Variants in TNS3 observed in about 807,000 individuals in gnomAD.
TNS3 encodes the protein tensin 3, also known as tensin-3.
Under a neutral mutation model 140.9 loss-of-function variants are expected in TNS3, and 45 were observed. The ratio of observed to expected loss-of-function variants is 0.32; its 90% CI spans 0.25 to 0.41. TNS3 has a LOEUF of 0.41. Ranked by LOEUF, TNS3 falls within the 10% of genes least tolerant of loss-of-function variation. The probability of loss-of-function intolerance (pLI) is 1.00; values close to 1 mark genes in which losing one functional copy is unlikely to be tolerated. For missense variants in TNS3, 1,716 were observed against 1,906.7 expected, an observed-to-expected ratio of 0.90 and a Z score of 1.86; for synonymous variants, 815 against 788.4, an observed-to-expected ratio of 1.03 and a Z score of -0.56.
At chr7:47,316,430 CA>C (rs1787414174) in intron 20 of TNS3, among the ~76,000 whole-genome samples, 1 of 152,042 alleles carries the variant, frequency 6.6e-6, no homozygotes, top group Non-Finnish European at 1.5e-5. Context: ...CAATTGGGAT[CA>C]GATTAGATGA....
chr7:47,454,774 G>A (rs1796177388), intron 4 of TNS3, among the ~76,000 whole-genome samples: 1 of 152,182 alleles, frequency 6.6e-6, no homozygotes, highest in South Asian at 2.1e-4. Flanking sequence ...GGCAGAGCCA[G>A]GCAGGGGGCT....
chr7:47,402,488 C>T (rs1584576075), intron 13 of TNS3, among the ~76,000 whole-genome samples: 1 of 152,370 alleles, frequency 6.6e-6, no homozygotes, highest in East Asian at 1.9e-4. Flanking sequence ...CCGAGACTGA[C>T]TTCTCAGCAA....
intron 16 of TNS3, among the ~76,000 whole-genome samples, chr7:47,391,745 T>C (rs1245306419): frequency 1.3e-5 from 2 of 152,114 alleles, no homozygotes; most frequent in East Asian, 3.9e-4. Context: ...CCTTAGACCA[T>C]CACAGCAAGT....
At position 47,278,160 on chromosome 7, in the gene TNS3, A is replaced by C; in HGVS notation, c.4254T>G (p.Phe1418Leu). 1 of 1,614,192 alleles carries C rather than the reference A, an allele frequency of 6.2e-7. No individual in the cohort carries two copies. Among genetic ancestry groups the C allele is most frequent in the Non-Finnish European group, 8.5e-7 (1 of 1,180,038 alleles). ...CAGGCTGCTCAGGGTCATGCTCTGC[A>C]AACAGGTGGCACACATTATCCGTGG... ...GSATDNVCHLFAEHDPEQPAS... is the reference protein window; with the variant it reads ...GSATDNVCHLLAEHDPEQPAS... Residue 1418 changes from phenylalanine to leucine, a missense_variant, in exon 31 of 31, where the codon TTT becomes TTG. By Grantham distance (22) the Phe-to-Leu change is conservative (BLOSUM62 0). Coordinates refer to ENST00000311160, the MANE Select transcript of TNS3 (RefSeq NM_022748.12).
intron 20 of TNS3, among the ~76,000 whole-genome samples, chr7:47,340,279 C>T (rs915011025): frequency 3.3e-5 from 5 of 150,852 alleles, no homozygotes; most frequent in East Asian, 3.9e-4. Context: ...CGCACTGCCA[C>T]GCCCAACTAA....
intron 3 of TNS3, among the ~76,000 whole-genome samples, chr7:47,484,637 T>G (rs900805712): frequency 6.6e-6 from 1 of 152,196 alleles, no homozygotes; most frequent in African/African-American, 2.4e-5. Context: ...AGAAGCACAG[T>G]GCTTCCGTGC....
intron 1 of TNS3, among the ~76,000 whole-genome samples, chr7:47,568,976 C>T (rs939155329): frequency 6.6e-6 from 1 of 152,266 alleles, no homozygotes; most frequent in African/African-American, 2.4e-5. Context: ...GCGTGGCTGC[C>T]ATCACCACAC....
At chr7:47,536,034 A>C (rs1457946754) in intron 1 of TNS3, among the ~76,000 whole-genome samples, 2 of 152,346 alleles carry the variant, frequency 1.3e-5, no homozygotes, top group East Asian at 3.9e-4. Flanking sequence ...CTCTGATGTT[A>C]AACAGCCAGG....
intron 2 of TNS3, among the ~76,000 whole-genome samples, chr7:47,524,177 C>G (rs1799093527): frequency 6.6e-6 from 1 of 152,204 alleles, no homozygotes; most frequent in Non-Finnish European, 1.5e-5. Flanking sequence ...AGGCGGTGGT[C>G]CCGTCCTGCC....
intron 17 of TNS3, among the ~76,000 whole-genome samples, chr7:47,348,229 G>T (rs1789462217): frequency 6.6e-6 from 1 of 152,260 alleles, no homozygotes; most frequent in Non-Finnish European, 1.5e-5. Context: ...GCAGGCGATA[G>T]CCCTGGGTGT....
At chr7:47,460,756 A>T (rs1796458685) in intron 4 of TNS3, among the ~76,000 whole-genome samples, 1 of 152,238 alleles carries the variant, frequency 6.6e-6, no homozygotes, top group South Asian at 2.1e-4. Flanking sequence ...CAATCCAGTA[A>T]GTCAAGCTGG....
intron 2 of TNS3, among the ~76,000 whole-genome samples, chr7:47,521,669 G>T (rs1201876203): frequency 1.3e-5 from 2 of 152,076 alleles, no homozygotes; most frequent in Non-Finnish European, 2.9e-5. Context: ...GAAACCTAAA[G>T]GATGAGGGTC....
At position 47,506,933 on chromosome 7, in the gene TNS3, A is replaced by T; in HGVS notation, c.-141T>A. ...TTGGCTTCACATTTCTTGTGGCAGG[A>T]ATACTTGCAGGCTGGGAAAAAAAAA... On this transcript the variant is annotated 5_prime_UTR_variant, in exon 3 of 31. Coordinates refer to ENST00000311160, the MANE Select transcript of TNS3 (RefSeq NM_022748.12). 1 of 1,288,936 alleles carries T rather than the reference A, an allele frequency of 7.8e-7. No homozygotes were observed. The highest frequency in any genetic ancestry group is 1.0e-6 in the Non-Finnish European group (1 of 988,574). 79.8% of individuals were successfully genotyped at this position (1,288,936 alleles called of 1,614,324 possible). A position where few individuals can be genotyped will look rare whatever the true frequency, so the allele number is the denominator to read the frequency against.
At chr7:47,350,503 G>T (rs1789603509) in intron 17 of TNS3, among the ~76,000 whole-genome samples, 1 of 152,192 alleles carries the variant, frequency 6.6e-6, no homozygotes, top group African/African-American at 2.4e-5. Flanking sequence ...TCCCATCTGA[G>T]AGTCCTTGGC....
At chr7:47,433,716 C>A (rs761693839) in intron 8 of TNS3, among the ~76,000 whole-genome samples, 5 of 152,154 alleles carry the variant, frequency 3.3e-5, no homozygotes, top group African/African-American at 9.7e-5. Flanking sequence ...CTGCTGGGCC[C>A]AGGCTCACAG....
intron 1 of TNS3, chr7:47,539,040 G>A (rs753543281): frequency 1.5e-5 from 7 of 456,552 alleles, no homozygotes; most frequent in East Asian, 7.0e-5. Flanking sequence ...GGGCAAACAC[G>A]CCCAGAGGTC....
intron 4 of TNS3, among the ~76,000 whole-genome samples, chr7:47,478,602 G>A (rs1486560063): frequency 1.3e-5 from 2 of 151,676 alleles, no homozygotes; most frequent in African/African-American, 4.8e-5. Context: ...ATTCACATGT[G>A]TAACATTTAT....
intron 16 of TNS3, among the ~76,000 whole-genome samples, chr7:47,390,417 A>G (rs867966809): frequency 6.6e-6 from 1 of 152,302 alleles, no homozygotes; most frequent in African/African-American, 2.4e-5. Context: ...GGAGCTCGGA[A>G]CAGTACTCTG....
At chr7:47,404,501 G>C (rs999419200) in intron 13 of TNS3, among the ~76,000 whole-genome samples, 1 of 152,160 alleles carries the variant, frequency 6.6e-6, no homozygotes, top group Admixed American at 6.5e-5. Flanking sequence ...ATCTCAATGG[G>C]AAGGCCTGTA....
Sources: allele counts gnomAD v4.1 joint callset (sites outside exome capture counted in the v4.1 genomes callset), GRCh38; gene constraint gnomAD v4.1.1; transcripts MANE v1.5; gene names NCBI Gene and HGNC (gene_info 2026-07-23, HGNC 2026-07-21).